CCDC91: variants seen among roughly 807,000 people sequenced by gnomAD.
CCDC91 encodes coiled-coil domain containing 91, also known as coiled-coil domain-containing protein 91.
A neutral mutation model predicts 63.2 loss-of-function variants in CCDC91; 48 were observed. The observed-to-expected ratio is 0.76, with a 90% CI of 0.60 to 0.97. CCDC91 has a LOEUF of 0.97. Ranked by LOEUF, CCDC91 falls within the 50% of genes least tolerant of loss-of-function variation. CCDC91 has a pLI of 0.00. For missense variants in CCDC91, 500 were observed against 494.6 expected (o/e 1.01, Z -0.10); for synonymous variants, 167 against 165.8 (o/e 1.01, Z -0.06).
intron 7 of CCDC91, among the ~76,000 whole-genome samples, chr12:28,372,850 G>C (rs982494232): frequency 1.2e-4 from 18 of 152,212 alleles, no homozygotes; most frequent in African/African-American, 4.1e-4. Context: ...GCTCTTGGTA[G>C]GACTTCCAGT....
intron 8 of CCDC91, among the ~76,000 whole-genome samples, chr12:28,429,779 T>C (rs576955346): frequency 2.6e-5 from 4 of 152,144 alleles, no homozygotes; most frequent in Non-Finnish European, 5.9e-5. Context: ...ATTGTAGATG[T>C]GCCACTCTAT....
At chr12:28,494,757 T>C (rs1298386665) in intron 12 of CCDC91, among the ~76,000 whole-genome samples, 1 of 151,764 alleles carries the variant, frequency 6.6e-6, no homozygotes, top group African/African-American at 2.4e-5. Context: ...CTCTGTGTAT[T>C]GAGATACAGG....
At position 28,444,745 on chromosome 12, in the gene CCDC91, T is replaced by C. The variant is rs370428135; in HGVS notation, c.763-5416T>C. On this transcript the variant is annotated intron_variant, in intron 8 of 12. Coordinates refer to ENST00000536442, the MANE Select transcript of CCDC91 (RefSeq NM_018318.5). ...CTCTCGGGTACTGGGCTTAGTACTT[T>C]GGTGATGAAATAATCTGTACAGCAA... Among the ~76,000 whole-genome samples, 253 of 152,244 alleles carry C rather than the reference T, an allele frequency of 1.7e-3. 4 individuals are homozygous for C. In the South Asian group the frequency reaches 0.05, roughly 30 times the overall value.
chr12:28,261,940 T>C (rs1946848024), intron 3 of CCDC91, among the ~76,000 whole-genome samples: 1 of 151,988 alleles, frequency 6.6e-6, no homozygotes, highest in Non-Finnish European at 1.5e-5. Context: ...CTTGCAGAAA[T>C]GGAGAATAAC....
At chr12:28,256,938 G>A in intron 1 of CCDC91, 1 of 354,786 alleles carries the variant, frequency 2.8e-6, no homozygotes, top group South Asian at 3.9e-5. Context: ...TTTGGGAAAA[G>A]CAAATTAAAA....
At chr12:28,348,163 C>T (rs1413486825) in intron 6 of CCDC91, among the ~76,000 whole-genome samples, 1 of 152,200 alleles carries the variant, frequency 6.6e-6, no homozygotes, top group African/African-American at 2.4e-5. Context: ...ATCTTCTACT[C>T]TGGTGGAATA....
At chr12:28,494,031 A>T (rs563319719) in intron 12 of CCDC91, among the ~76,000 whole-genome samples, 1 of 151,854 alleles carries the variant, frequency 6.6e-6, no homozygotes, top group Admixed American at 6.6e-5. Flanking sequence ...ACAGCCAAAT[A>T]TACAATGTTG....
intron 1 of CCDC91, among the ~76,000 whole-genome samples, chr12:28,222,566 A>G (rs1034460936): frequency 2.6e-5 from 4 of 152,198 alleles, no homozygotes; most frequent in Non-Finnish European, 5.9e-5. Context: ...TTCTGTATCC[A>G]TAATAAATCA....
At chr12:28,419,411 T>G (rs376058237) in intron 8 of CCDC91, among the ~76,000 whole-genome samples, 29 of 152,286 alleles carry the variant, frequency 1.9e-4, no homozygotes, top group African/African-American at 5.1e-4. Context: ...CAGATTGGAT[T>G]TAAAAGCAAA....
intron 7 of CCDC91, among the ~76,000 whole-genome samples, chr12:28,363,251 A>G (rs1028633151): frequency 8.5e-5 from 13 of 152,128 alleles, no homozygotes; most frequent in Non-Finnish European, 1.6e-4. Context: ...AACAAGCTAT[A>G]TAGTTTTGAA....
chr12:28,464,409 G>A (rs988736398), intron 11 of CCDC91, among the ~76,000 whole-genome samples: 1 of 152,170 alleles, frequency 6.6e-6, no homozygotes, highest in Admixed American at 6.5e-5. Context: ...AGGTTGTACA[G>A]CTCCCAGCTC....
chr12:28,210,872 T>G (rs534804781), intron 1 of CCDC91, among the ~76,000 whole-genome samples: 1 of 151,868 alleles, frequency 6.6e-6, no homozygotes, highest in Non-Finnish European at 1.5e-5. Flanking sequence ...TGAGACAGTA[T>G]TGCCAAATAG....
intron 1 of CCDC91, among the ~76,000 whole-genome samples, chr12:28,203,060 A>T (rs1238878973): frequency 6.6e-6 from 1 of 152,198 alleles, no homozygotes; most frequent in Non-Finnish European, 1.5e-5. Flanking sequence ...GTTTTGGAGG[A>T]GGTCCAACCC....
At chr12:28,317,237 T>C (rs905318506) in intron 6 of CCDC91, among the ~76,000 whole-genome samples, 2 of 152,036 alleles carry the variant, frequency 1.3e-5, no homozygotes, top group African/African-American at 4.8e-5. Context: ...GTGCTTCTAT[T>C]TTTTAAAAAA....
At chr12:28,525,211 T>C (rs564328463) in intron 12 of CCDC91, among the ~76,000 whole-genome samples, 1 of 152,222 alleles carries the variant, frequency 6.6e-6, no homozygotes, top group Non-Finnish European at 1.5e-5. Flanking sequence ...TTTGTGCTCT[T>C]TCAGACTCTT....
intron 3 of CCDC91, among the ~76,000 whole-genome samples, chr12:28,273,242 C>G (rs1239056051): frequency 6.6e-6 from 1 of 151,948 alleles, no homozygotes. Flanking sequence ...TCTATCATTG[C>G]TGGACATTTG....
chr12:28,408,335 T>C lies in CCDC91; in HGVS notation c.762+16924T>C, dbSNP rs549419721. ...GAACTCATTTGTTTTTACGGCTGCATAGTATTCCATAGTATATATGTGTCA... is the reference window on the plus strand; with the variant it reads ...GAACTCATTTGTTTTTACGGCTGCACAGTATTCCATAGTATATATGTGTCA... On this transcript the variant is annotated intron_variant, in intron 8 of 12. Coordinates refer to ENST00000536442, the MANE Select transcript of CCDC91 (RefSeq NM_018318.5). Among the ~76,000 whole-genome samples the C allele has an allele frequency of 2.8e-4, 43 of 152,336 alleles. No individual in the cohort carries two copies. In the South Asian group the frequency reaches 6.2e-3, roughly 22 times the overall value.
chr12:28,327,989 A>G (rs1390637091), intron 6 of CCDC91, among the ~76,000 whole-genome samples: 4 of 152,106 alleles, frequency 2.6e-5, no homozygotes, highest in Non-Finnish European at 4.4e-5. Flanking sequence ...CTGGGTAACA[A>G]AAAGATCCCC....
intron 1 of CCDC91, among the ~76,000 whole-genome samples, chr12:28,209,487 C>T (rs758766598): frequency 7.9e-5 from 12 of 152,032 alleles, no homozygotes; most frequent in East Asian, 5.8e-4. Flanking sequence ...CTCTTTCGCC[C>T]GTGGTGTGAT....
Sources: gnomAD v4.1 joint callset for allele counts (sites outside exome capture counted in the v4.1 genomes callset) on GRCh38, gnomAD v4.1.1 for gene constraint, MANE v1.5 for transcripts, NCBI Gene and HGNC (gene_info 2026-07-23, HGNC 2026-07-21) for gene names.